The following EXT1 variants were observed in gnomAD, a reference collection of about 807,000 sequenced individuals.
EXT1 encodes exostosin glycosyltransferase 1, also known as exostosin-1.
In EXT1, 20 loss-of-function variants were observed where a neutral mutation model predicts 82.5. The observed-to-expected ratio is 0.24, with a 90% CI of 0.17 to 0.35. EXT1 has a LOEUF of 0.35. EXT1 is among the 10% of genes least tolerant of loss of function. The pLI is 1.00. For synonymous variants in EXT1, 348 were observed against 350.8 expected, an observed-to-expected ratio of 0.99 and a Z score of 0.09; for missense variants, 757 against 936.5, an observed-to-expected ratio of 0.81 and a Z score of 2.50.
At chr8:117,853,628 A>G (rs1043600300) in intron 1 of EXT1, among the ~76,000 whole-genome samples, 1 of 152,254 alleles carries the variant, frequency 6.6e-6, no homozygotes, top group Non-Finnish European at 1.5e-5. Context: ...ATTAGAGTTA[A>G]TGAAAGATAC....
intron 1 of EXT1, among the ~76,000 whole-genome samples, chr8:117,878,218 G>C (rs1813003467): frequency 6.6e-6 from 1 of 152,180 alleles, no homozygotes; most frequent in African/African-American, 2.4e-5. Flanking sequence ...AGGTTATAGT[G>C]AATAGAGATC....
chr8:117,923,397 G>C (rs1307506586), intron 1 of EXT1, among the ~76,000 whole-genome samples: 1 of 151,430 alleles, frequency 6.6e-6, no homozygotes, highest in East Asian at 2.0e-4. Context: ...GAAGAAAAGG[G>C]CTTTGAATTC....
At chr8:117,814,455 T>C (rs1301638688) in intron 7 of EXT1, among the ~76,000 whole-genome samples, 1 of 152,124 alleles carries the variant, frequency 6.6e-6, no homozygotes, top group Non-Finnish European at 1.5e-5. Context: ...CCTTCATATA[T>C]ATCATCGTGT....
chr8:118,097,163 C>T (rs562870822), intron 1 of EXT1, among the ~76,000 whole-genome samples: 1 of 152,112 alleles, frequency 6.6e-6, no homozygotes, highest in East Asian at 1.9e-4. Context: ...GAACTTCGGC[C>T]GGCTGGGTGC....
rs1817813664 is a variant in EXT1, at chr8:118,107,062, G to A, written c.962+3023C>T. Reference sequence around the variant, plus strand: ...TTTTCACAAAGGCACAGGTGAGACAGAAGTCATTGCTCTTTTAGCACTAAA... The same window carrying A: ...TTTTCACAAAGGCACAGGTGAGACAAAAGTCATTGCTCTTTTAGCACTAAA... On this transcript the variant is annotated intron_variant, in intron 1 of 10. Coordinates refer to ENST00000378204, the MANE Select transcript of EXT1 (RefSeq NM_000127.3). Among the ~76,000 whole-genome samples, 2 of 152,202 alleles carry A rather than the reference G, an allele frequency of 1.3e-5. 1 individual carries two copies. The highest frequency in any genetic ancestry group is 4.1e-4 in the South Asian group (2 of 4,826).
chr8:117,889,227 T>G (rs1284362238), intron 1 of EXT1, among the ~76,000 whole-genome samples: 1 of 152,208 alleles, frequency 6.6e-6, no homozygotes, highest in African/African-American at 2.4e-5. Flanking sequence ...TTACCAGGCC[T>G]GAGCTACCTA....
chr8:118,070,198 C>T (rs1286228827), intron 1 of EXT1, among the ~76,000 whole-genome samples: 6 of 149,950 alleles, frequency 4.0e-5, no homozygotes, highest in Admixed American at 4.0e-4. Context: ...CTGATAGTCC[C>T]AAGATTCTTA....
intron 8 of EXT1, among the ~76,000 whole-genome samples, chr8:117,807,718 C>T (rs1018817870): frequency 6.6e-5 from 10 of 152,112 alleles, no homozygotes; most frequent in Admixed American, 1.3e-4. Flanking sequence ...CCTTGATTCA[C>T]GTGAGACACA....
intron 1 of EXT1, among the ~76,000 whole-genome samples, chr8:118,031,074 T>G (rs990004255): frequency 6.6e-6 from 1 of 151,684 alleles, no homozygotes; most frequent in Admixed American, 6.6e-5. Flanking sequence ...AGCCTGGGAG[T>G]GGATGGTCTA....
At chr8:118,035,186 T>C (rs1816396733) in intron 1 of EXT1, among the ~76,000 whole-genome samples, 1 of 152,190 alleles carries the variant, frequency 6.6e-6, no homozygotes, top group Non-Finnish European at 1.5e-5. Context: ...TTTTCATCCA[T>C]GGTGTAACTT....
At chr8:117,827,434 T>C (rs1451151431) in intron 4 of EXT1, among the ~76,000 whole-genome samples, 1 of 152,102 alleles carries the variant, frequency 6.6e-6, no homozygotes, top group African/African-American at 2.4e-5. Flanking sequence ...CTGGATGTAT[T>C]AGAGGTAAAC....
intron 1 of EXT1, among the ~76,000 whole-genome samples, chr8:117,931,080 G>A (rs1199260149): frequency 6.6e-6 from 1 of 152,168 alleles, no homozygotes; most frequent in Non-Finnish European, 1.5e-5. Context: ...GAAAACTCAT[G>A]AATAATCCAC....
intron 3 of EXT1, among the ~76,000 whole-genome samples, chr8:117,832,047 G>A (rs1278436740): frequency 1.3e-5 from 2 of 152,116 alleles, no homozygotes; most frequent in Non-Finnish European, 2.9e-5. Flanking sequence ...CTTTATCAGT[G>A]CAAGGAAACT....
intron 7 of EXT1, 27 bp downstream of exon 7, chr8:117,818,408 C>T (rs1811862315): frequency 6.2e-7 from 1 of 1,601,634 alleles, no homozygotes; most frequent in South Asian, 1.1e-5. Flanking sequence ...ACAGTGGTTC[C>T]ACATATAGGT....
At chr8:118,102,031 C>T (rs1211908623) in intron 1 of EXT1, among the ~76,000 whole-genome samples, 1 of 151,636 alleles carries the variant, frequency 6.6e-6, no homozygotes, top group African/African-American at 2.4e-5. Flanking sequence ...CTTTGGGAGG[C>T]TAAGGTGGGT....
At chr8:117,867,527 A>G (rs1812795814) in intron 1 of EXT1, among the ~76,000 whole-genome samples, 2 of 152,168 alleles carry the variant, frequency 1.3e-5, no homozygotes, top group African/African-American at 4.8e-5. Context: ...TAACTAGCTC[A>G]TTCCAAACAC....
At chr8:117,812,828 T>G in intron 8 of EXT1, 44 bp downstream of exon 8, 1 of 1,539,604 alleles carries the variant, frequency 6.5e-7, no homozygotes, top group East Asian at 2.3e-5. Flanking sequence ...ATGAGGTGAC[T>G]GCCTGAACAG....
intron 1 of EXT1, among the ~76,000 whole-genome samples, chr8:117,890,044 T>C (rs1362059793): frequency 1.3e-5 from 2 of 152,218 alleles, no homozygotes; most frequent in East Asian, 3.8e-4. Context: ...AAATTTACTA[T>C]AAAATTGGCA....
chr8:117,964,930 G>A (rs763302888), intron 1 of EXT1, among the ~76,000 whole-genome samples: 1 of 152,106 alleles, frequency 6.6e-6, no homozygotes, highest in South Asian at 2.1e-4. Context: ...GAGCCACCAC[G>A]CTCAGCCAGA....
Sources: gnomAD v4.1 joint callset for allele counts (sites outside exome capture counted in the v4.1 genomes callset) on GRCh38, gnomAD v4.1.1 for gene constraint, MANE v1.5 for transcripts, NCBI Gene and HGNC (gene_info 2026-07-23, HGNC 2026-07-21) for gene names.